ATG7: variants seen among roughly 807,000 people sequenced by gnomAD.
ATG7 encodes ubiquitin-like modifier-activating enzyme ATG7.
ATG7 carries 70 observed loss-of-function variants against 82.4 expected under a neutral mutation model. The observed-to-expected ratio is 0.85, with a 90% confidence interval of 0.70 to 1.04. The LOEUF is 1.04. Ranked by LOEUF, ATG7 falls within the 50% of genes least tolerant of loss-of-function variation. The pLI is 0.00. For missense variants in ATG7, 792 were observed against 864.3 expected (o/e 0.92, Z 1.05); for synonymous variants, 287 against 313.0 (o/e 0.92, Z 0.88).
intron 3 of ATG7, among the ~76,000 whole-genome samples, chr3:11,285,578 C>T (rs1414848075): frequency 6.6e-6 from 1 of 152,142 alleles, no homozygotes; most frequent in Non-Finnish European, 1.5e-5. Flanking sequence ...CACCACCCAG[C>T]TCAAGATACA....
Position 11,362,945 on chromosome 3 carries a change from G to C in ATG7, c.1799+17G>C. 1 of 1,607,066 alleles carries C rather than the reference G, an allele frequency of 6.2e-7. No individual in the cohort carries two copies. The highest frequency in any genetic ancestry group is 1.7e-4 in the Middle Eastern group (1 of 6,050). ...TCCAGAAGGGTGAGTTTGCTAGTAG[G>C]AGATGAGTATTTAAACAAAGCTTTT... On this transcript the variant is annotated intron_variant, in intron 17 of 20. Coordinates refer to ENST00000693202, the MANE Select transcript of ATG7 (RefSeq NM_001349232.2).
intron 20 of ATG7, among the ~76,000 whole-genome samples, chr3:11,434,705 C>G (rs1184211301): frequency 6.6e-6 from 1 of 152,136 alleles, no homozygotes; most frequent in Non-Finnish European, 1.5e-5. Flanking sequence ...GGGAAAGTTG[C>G]AATTGGAAAA....
At chr3:11,328,655 A>T (rs1264330980) in intron 9 of ATG7, among the ~76,000 whole-genome samples, 1 of 152,228 alleles carries the variant, frequency 6.6e-6, no homozygotes, top group African/African-American at 2.4e-5. Flanking sequence ...GCAGATGAAG[A>T]CTACTTAATT....
At chr3:11,573,257 A>G in the ATG7 span, among the ~76,000 whole-genome samples, 890 of 9,086 alleles carry the variant, frequency 0.098, 54 homozygotes, top group South Asian at 0.14. Context: ...GAAAGAAAGA[A>G]AGAAAGAAAG....
intron 9 of ATG7, among the ~76,000 whole-genome samples, chr3:11,318,631 G>A (rs991945697): frequency 1.3e-5 from 2 of 152,106 alleles, no homozygotes; most frequent in African/African-American, 4.8e-5. Context: ...CCCTTCTAAG[G>A]TTCCTGTTGA....
In ATG7 at chr3:11,432,512, G is replaced by A. The variant is rs139029318; in HGVS notation, c.2079+5586G>A. Among the ~76,000 whole-genome samples, 30 of 152,116 alleles carry A rather than the reference G, an allele frequency of 2.0e-4. No homozygotes were observed. In the East Asian group the frequency reaches 5.8e-3, roughly 30 times the overall value. ...GGACTTGAGGGAGAAGCTTGGGAGG[G>A]GGGGTAAAGGATAAAAGACATATTG... On this transcript the variant is annotated intron_variant, in intron 20 of 20. Transcript: ENST00000693202.
intron 20 of ATG7, among the ~76,000 whole-genome samples, chr3:11,471,523 A>G (rs547715181): frequency 6.6e-6 from 1 of 152,292 alleles, no homozygotes; most frequent in African/African-American, 2.4e-5. Flanking sequence ...TGCAGATGAA[A>G]ATAAGAAACT....
intron 9 of ATG7, among the ~76,000 whole-genome samples, chr3:11,321,480 C>T (rs1360277979): frequency 6.6e-6 from 1 of 152,110 alleles, no homozygotes; most frequent in Non-Finnish European, 1.5e-5. Context: ...ACATGCCCTG[C>T]AAAGTGAGAA....
chr3:11,405,099 A>C (rs1345920373), intron 19 of ATG7, among the ~76,000 whole-genome samples: 1 of 152,102 alleles, frequency 6.6e-6, no homozygotes, highest in Non-Finnish European at 1.5e-5. Flanking sequence ...AAGTCAGGAG[A>C]TCATGATGTT....
intron 19 of ATG7, among the ~76,000 whole-genome samples, chr3:11,392,938 TAGTC>T (rs2078937733): frequency 6.6e-6 from 1 of 152,180 alleles, no homozygotes; most frequent in Non-Finnish European, 1.5e-5. Flanking sequence ...GCACAAAAGT[TAGTC>T]ATTCAGCATG....
intron 8 of ATG7, among the ~76,000 whole-genome samples, chr3:11,315,053 A>T (rs189970850): frequency 3.9e-5 from 6 of 152,230 alleles, no homozygotes; most frequent in African/African-American, 1.4e-4. Flanking sequence ...GGAGAGAAAG[A>T]ATGTTTCGTT....
intron 3 of ATG7, among the ~76,000 whole-genome samples, chr3:11,284,516 G>T (rs922538389): frequency 6.6e-6 from 1 of 152,130 alleles, no homozygotes; most frequent in Non-Finnish European, 1.5e-5. Context: ...CGTAGGACTG[G>T]TATGGTTTAA....
chr3:11,312,784 G>C (rs999061836), intron 7 of ATG7, among the ~76,000 whole-genome samples: 1 of 152,238 alleles, frequency 6.6e-6, no homozygotes, highest in East Asian at 1.9e-4. Context: ...ATTGTGAAGA[G>C]AATGGTAACT....
chr3:11,287,049 A>T (rs1413969695), intron 3 of ATG7, among the ~76,000 whole-genome samples: 1 of 152,130 alleles, frequency 6.6e-6, no homozygotes, highest in Non-Finnish European at 1.5e-5. Flanking sequence ...TGCAGGTGTG[A>T]GCCACTGTGC....
At chr3:11,355,441 A>G (rs996575808) in intron 14 of ATG7, among the ~76,000 whole-genome samples, 2 of 152,214 alleles carry the variant, frequency 1.3e-5, no homozygotes, top group Admixed American at 6.5e-5. Flanking sequence ...AAGAAGGGAA[A>G]AACTAGCCAA....
intron 19 of ATG7, among the ~76,000 whole-genome samples, chr3:11,399,929 T>C (rs540966901): frequency 6.6e-6 from 1 of 152,348 alleles, no homozygotes; most frequent in East Asian, 1.9e-4. Context: ...GACTGGGTTG[T>C]AGTTACACAG....
chr3:11,498,666 T>C (rs115757856), intron 20 of ATG7, among the ~76,000 whole-genome samples: 1 of 152,222 alleles, frequency 6.6e-6, no homozygotes, highest in South Asian at 2.1e-4. Context: ...GTGTCCTCAC[T>C]GACTCCAGAA....
chr3:11,509,374 G>A (rs996776880), intron 20 of ATG7, among the ~76,000 whole-genome samples: 2 of 151,698 alleles, frequency 1.3e-5, no homozygotes, highest in Non-Finnish European at 2.9e-5. Flanking sequence ...TTTTTCTGAT[G>A]CAACATGAAT....
At chr3:11,412,408 G>T (rs910036615) in intron 19 of ATG7, among the ~76,000 whole-genome samples, 11 of 151,924 alleles carry the variant, frequency 7.2e-5, no homozygotes, top group African/African-American at 2.7e-4. Flanking sequence ...TCTTGGGTTG[G>T]TTTCACTTTT....
Sources: gnomAD v4.1 joint callset for allele counts (sites outside exome capture counted in the v4.1 genomes callset) on GRCh38, gnomAD v4.1.1 for gene constraint, MANE v1.5 for transcripts, NCBI Gene and HGNC (gene_info 2026-07-23, HGNC 2026-07-21) for gene names.